The following TRMT9B variants were observed in gnomAD, a reference collection of about 807,000 sequenced individuals.
TRMT9B encodes the protein probable tRNA methyltransferase 9B.
In TRMT9B, 16 loss-of-function variants were observed where a neutral mutation model predicts 11.5. The ratio of observed to expected loss-of-function variants is 1.39; its 90% CI spans 0.94 to 2.11. TRMT9B has a LOEUF of 2.11. Ranked by LOEUF, TRMT9B falls within the 30% of genes most tolerant of loss-of-function variation. TRMT9B has a pLI of 0.00. For synonymous variants in TRMT9B, 274 were observed against 192.4 expected, an observed-to-expected ratio of 1.42 and a Z score of -3.51; for missense variants, 941 against 553.8, an observed-to-expected ratio of 1.70 and a Z score of -7.02.
chr8:13,017,282 T>C (rs572852664), intron 4 of TRMT9B, among the ~76,000 whole-genome samples: 8 of 152,178 alleles, frequency 5.3e-5, no homozygotes, highest in Non-Finnish European at 1.0e-4. Flanking sequence ...AATATCAAGA[T>C]GTAACAAGAC....
Position 13,024,656 on chromosome 8 carries a change from G to A in TRMT9B, c.*2612G>A, listed in dbSNP as rs1179036251. 1 of 167,036 alleles carries A rather than the reference G, an allele frequency of 6.0e-6. No homozygotes were observed. The highest frequency in any genetic ancestry group is 1.5e-5 in the Non-Finnish European group (1 of 68,122). 10.3% of individuals were successfully genotyped at this position (167,036 alleles called of 1,614,324 possible). A position where few individuals can be genotyped will look rare whatever the true frequency, so the allele number is the denominator to read the frequency against. On this transcript the variant is annotated 3_prime_UTR_variant, in exon 5 of 5. Transcript: ENST00000524591. ...AAACTGTCTGAGCAACCTCTTAGATGTGCACACACCACTTTGTATGAAAGG... is the reference window on the plus strand; with the variant it reads ...AAACTGTCTGAGCAACCTCTTAGATATGCACACACCACTTTGTATGAAAGG...
chr8:13,012,535 A>G, intron 3 of TRMT9B, 149 bp from the exon 4 acceptor site: 3 of 1,021,670 alleles, frequency 2.9e-6, no homozygotes, highest in Non-Finnish European at 4.0e-6. Flanking sequence ...AGATTGCGCC[A>G]CTGCACTCCA....
chr8:12,982,214 C>G (rs887400923), intron 1 of TRMT9B, among the ~76,000 whole-genome samples: 2 of 152,042 alleles, frequency 1.3e-5, no homozygotes, highest in African/African-American at 2.4e-5. Flanking sequence ...AAATCCTGGA[C>G]CAGGTGAGGA....
chr8:12,997,405 G>T (rs1166365216), intron 2 of TRMT9B, among the ~76,000 whole-genome samples: 2 of 152,070 alleles, frequency 1.3e-5, no homozygotes, highest in Non-Finnish European at 2.9e-5. Context: ...GCTTCCTGAG[G>T]CCTCACCAGG....
intron 1 of TRMT9B, among the ~76,000 whole-genome samples, chr8:12,976,124 G>A (rs1804407165): frequency 6.6e-6 from 1 of 152,182 alleles, no homozygotes; most frequent in Non-Finnish European, 1.5e-5. Context: ...AAGAGTCTTA[G>A]GTACAACAGT....
rs1022538259 is a variant in TRMT9B at position 12,950,541 on chromosome 8, C to T, written c.-200+4575C>T. ...CGTAAAACCAGACTCGTGGTTTTTTCTTTCTTTCTTTCTTTCTTTCTTTTT... is the reference window on the plus strand; with the variant it reads ...CGTAAAACCAGACTCGTGGTTTTTTTTTTCTTTCTTTCTTTCTTTCTTTTT... On this transcript the variant is annotated intron_variant, in intron 1 of 4. Transcript: ENST00000524591. Among the ~76,000 whole-genome samples, 9 of 151,412 alleles carry T rather than the reference C, an allele frequency of 5.9e-5. No homozygotes were observed. The East Asian group carries it at 1.6e-3, about 26-fold the overall frequency.
intron 1 of TRMT9B, among the ~76,000 whole-genome samples, chr8:12,956,832 T>A (rs1489767034): frequency 6.6e-6 from 1 of 152,206 alleles, no homozygotes; most frequent in Non-Finnish European, 1.5e-5. Flanking sequence ...ACCCTGGTGC[T>A]TGTCAGATTC....
intron 1 of TRMT9B, among the ~76,000 whole-genome samples, chr8:12,966,639 C>T (rs1482250206): frequency 6.6e-6 from 1 of 152,094 alleles, no homozygotes; most frequent in East Asian, 1.9e-4. Flanking sequence ...AGTTCAGTGC[C>T]CATTTATTTA....
chr8:12,992,374 G>T (rs1807507399), intron 2 of TRMT9B, among the ~76,000 whole-genome samples: 1 of 152,120 alleles, frequency 6.6e-6, no homozygotes, highest in African/African-American at 2.4e-5. Context: ...AAGTCCTGGG[G>T]CCGGGCACAG....
intron 3 of TRMT9B, among the ~76,000 whole-genome samples, chr8:13,010,009 G>A (rs978761484): frequency 6.6e-6 from 1 of 151,802 alleles, no homozygotes; most frequent in African/African-American, 2.4e-5. Flanking sequence ...CATGATACAC[G>A]TGCCTGTAGT....
At chr8:12,992,086 A>T (rs146576588) in intron 2 of TRMT9B, among the ~76,000 whole-genome samples, 1 of 152,194 alleles carries the variant, frequency 6.6e-6, no homozygotes, top group Non-Finnish European at 1.5e-5. Flanking sequence ...GCTTGTACAG[A>T]GTAAAGTATT....
At chr8:12,989,911 G>T (rs1247144061) in intron 1 of TRMT9B, among the ~76,000 whole-genome samples, 1 of 152,140 alleles carries the variant, frequency 6.6e-6, no homozygotes, top group Non-Finnish European at 1.5e-5. Context: ...GATGTAGCTG[G>T]GGTTAAAATC....
At position 12,992,086 on chromosome 8, in the gene TRMT9B, A is replaced by G. The variant is rs146576588; in HGVS notation, c.-2+1055A>G. Among the ~76,000 whole-genome samples, 967 of 152,310 alleles carry G rather than the reference A, an allele frequency of 6.3e-3. 9 individuals are homozygous for G. The highest frequency in any genetic ancestry group is 0.022 in the African/African-American group (906 of 41,572). On this transcript the variant is annotated intron_variant, in intron 2 of 4. Coordinates refer to ENST00000524591, the MANE Select transcript of TRMT9B (RefSeq NM_020844.3). ...AAGAGTCAAGGACCAGCTTGTACAG[A>G]GTAAAGTATTGTTGTTTTGCAGAGG... is the stretch of plus-strand genomic sequence containing the variant.
intron 4 of TRMT9B, among the ~76,000 whole-genome samples, chr8:13,019,418 A>C (rs796287983): frequency 3.9e-5 from 6 of 152,290 alleles, no homozygotes; most frequent in African/African-American, 1.4e-4. Context: ...CAGCCTCCTG[A>C]GTAGCTGGAA....
Position 12,999,303 on chromosome 8 carries a change from AAAAAAAAAAAAAGAAAAG to A in TRMT9B, c.-1-6887_-1-6870del, listed in dbSNP as rs1211871539. Among the ~76,000 whole-genome samples, 577 of 149,628 alleles carry A rather than the reference AAAAAAAAAAAAAGAAAAG, an allele frequency of 3.9e-3. 4 individuals carry two copies. The highest frequency in any genetic ancestry group is 0.014 in the African/African-American group (557 of 40,276). Reference sequence around the variant, plus strand: ...GACAGAGGGAGACTCCATCTCAAAAAAAAAAAAAAAAAGAAAAGAAAAAAAAAAAGAAAGATTGTTCAG... The same window carrying A: ...GACAGAGGGAGACTCCATCTCAAAAAAAAAAAAAAAAGAAAGATTGTTCAG... On this transcript the variant is annotated intron_variant, in intron 2 of 4. Coordinates refer to ENST00000524591, the MANE Select transcript of TRMT9B (RefSeq NM_020844.3).
Position 13,026,616 on chromosome 8 carries a change from T to A in TRMT9B, c.*4572T>A, listed in dbSNP as rs1194186274. The A allele has an allele frequency of 6.0e-6, 1 of 167,112 alleles. No individual in the cohort carries two copies. The highest frequency in any genetic ancestry group is 1.5e-5 in the Non-Finnish European group (1 of 68,122). 10.4% of individuals were successfully genotyped at this position (167,112 alleles called of 1,614,324 possible). ...TTATATGCAGTCCTCACCACAGCCC[T>A]CCAAGATAACTATACTTATTGTTCC... On this transcript the variant is annotated 3_prime_UTR_variant, in exon 5 of 5. Coordinates refer to ENST00000524591, the MANE Select transcript of TRMT9B (RefSeq NM_020844.3).
intron 4 of TRMT9B, among the ~76,000 whole-genome samples, chr8:13,015,772 C>G (rs1812537911): frequency 6.6e-6 from 1 of 152,086 alleles, no homozygotes; most frequent in Admixed American, 6.6e-5. Context: ...GCTTATCTGG[C>G]TAAGTCCTCT....
At chr8:12,952,727 TTGCTA>T (rs1800788019) in intron 1 of TRMT9B, 1 of 972,806 alleles carries the variant, frequency 1.0e-6, no homozygotes, top group African/African-American at 1.8e-5. Context: ...ATGATATTAC[TTGCTA>T]TGTGTGGGGT....
At chr8:12,949,042 C>A (rs1484666796) in intron 1 of TRMT9B, among the ~76,000 whole-genome samples, 1 of 152,204 alleles carries the variant, frequency 6.6e-6, no homozygotes, top group Non-Finnish European at 1.5e-5. Flanking sequence ...ATGGCCAACA[C>A]ACTTTATAAT....
Sources: gnomAD v4.1 joint callset for allele counts (sites outside exome capture counted in the v4.1 genomes callset) on GRCh38, gnomAD v4.1.1 for gene constraint, MANE v1.5 for transcripts, NCBI Gene and HGNC (gene_info 2026-07-23, HGNC 2026-07-21) for gene names.